GPHN: variants seen among roughly 807,000 people sequenced by gnomAD.
GPHN encodes the protein gephyrin.
In GPHN, 17 loss-of-function variants were observed where a neutral mutation model predicts 95.5. The ratio of observed to expected loss-of-function variants is 0.18; its 90% CI spans 0.12 to 0.27. The LOEUF is 0.27. GPHN is among the 10% of genes least tolerant of loss of function. The pLI, the probability that GPHN is intolerant of heterozygous loss-of-function variation, is 1.00. For synonymous variants in GPHN, 320 were observed against 322.5 expected, an observed-to-expected ratio of 0.99 and a Z score of 0.08; for missense variants, 660 against 978.1, an observed-to-expected ratio of 0.67 and a Z score of 4.34.
At chr14:67,258,333 G>A in the GPHN span, among the ~76,000 whole-genome samples, 1 of 152,070 alleles carries the variant, frequency 6.6e-6, no homozygotes, top group Non-Finnish European at 1.5e-5. Flanking sequence ...TCAGGAGTTC[G>A]AGACTAGTCT....
chr14:66,529,431 T>C (rs2058823267), intron 1 of GPHN, among the ~76,000 whole-genome samples: 1 of 151,992 alleles, frequency 6.6e-6, no homozygotes, highest in South Asian at 2.1e-4. Flanking sequence ...CTCGGAGGAG[T>C]TCATTACTAC....
At chr14:66,564,725 T>C (rs1479394624) in intron 1 of GPHN, among the ~76,000 whole-genome samples, 5 of 152,180 alleles carry the variant, frequency 3.3e-5, no homozygotes, top group Non-Finnish European at 7.4e-5. Flanking sequence ...CACTGTGAGG[T>C]AGGTATAGTA....
chr14:67,700,542 C>G, the GPHN span, among the ~76,000 whole-genome samples: 2 of 150,420 alleles, frequency 1.3e-5, no homozygotes, highest in Non-Finnish European at 3.0e-5. Context: ...GATGAAACCC[C>G]GTCTCTACTA....
the GPHN span, chr14:67,199,943 C>A: frequency 7.2e-7 from 1 of 1,389,268 alleles, no homozygotes; most frequent in Non-Finnish European, 9.7e-7. Flanking sequence ...CAAGCTCACC[C>A]ATTCCCACCA....
At chr14:67,593,540 A>G in the GPHN span, 1 of 550,332 alleles carries the variant, frequency 1.8e-6, no homozygotes, top group African/African-American at 1.9e-5. Context: ...AATGCCAGTG[A>G]TAATTTTGAA....
At chr14:67,462,534 G>A in the GPHN span, among the ~76,000 whole-genome samples, 7,338 of 152,134 alleles carry the variant, frequency 0.048, 480 homozygotes, top group African/African-American at 0.13. Flanking sequence ...AACAGAGATA[G>A]GGTCTTGCTA....
the GPHN span, among the ~76,000 whole-genome samples, chr14:67,708,726 T>C: frequency 6.6e-6 from 1 of 152,044 alleles, no homozygotes; most frequent in Non-Finnish European, 1.5e-5. Context: ...CTATGCTTCC[T>C]GTATAATTTT....
At chr14:67,317,189 G>C in the GPHN span, among the ~76,000 whole-genome samples, 2 of 152,226 alleles carry the variant, frequency 1.3e-5, no homozygotes, top group African/African-American at 4.8e-5. Flanking sequence ...CAAGCTGGGT[G>C]TGGTGGTTTG....
At chr14:67,130,351 C>A (rs1046099509) in intron 17 of GPHN, among the ~76,000 whole-genome samples, 1 of 152,074 alleles carries the variant, frequency 6.6e-6, no homozygotes, top group African/African-American at 2.4e-5. Context: ...CTCCCACTTA[C>A]AAGTAAGAAC....
At chr14:66,700,541 A>C (rs1046564747) in intron 2 of GPHN, among the ~76,000 whole-genome samples, 1 of 152,166 alleles carries the variant, frequency 6.6e-6, no homozygotes, top group Non-Finnish European at 1.5e-5. Flanking sequence ...CTCGGGGATG[A>C]AGGATTTTAC....
At chr14:66,737,003 A>G (rs1173288449) in intron 2 of GPHN, among the ~76,000 whole-genome samples, 2 of 152,162 alleles carry the variant, frequency 1.3e-5, no homozygotes, top group South Asian at 2.1e-4. Context: ...CTCCAGTCCT[A>G]AAATTATTAT....
intron 2 of GPHN, among the ~76,000 whole-genome samples, chr14:66,752,239 G>A (rs1375763646): frequency 2.0e-5 from 3 of 152,058 alleles, no homozygotes; most frequent in African/African-American, 4.8e-5. Flanking sequence ...TCTCTCTCTT[G>A]TCATTTGTGT....
At chr14:67,669,270 ATT>A in the GPHN span, among the ~76,000 whole-genome samples, 162 of 139,950 alleles carry the variant, frequency 1.2e-3, 2 homozygotes, top group African/African-American at 3.1e-3. Flanking sequence ...CTTCTTCATA[ATT>A]TTTTTTTTTT....
chr14:66,683,399 T>TATATATATGTTC lies in GPHN; in HGVS notation c.143+2222_143+2223insGTTCATATATAT, dbSNP rs1595534463. 2.8e-3 allele frequency among the ~76,000 whole-genome samples: 27 copies of TATATATATGTTC among 9,776 alleles called. 1 individual carries two copies. Among genetic ancestry groups the TATATATATGTTC allele is most frequent in the East Asian group, 0.016 (6 of 374 alleles). 6.4% of individuals were successfully genotyped at this position (9,776 alleles called of 152,430 possible). A position where few individuals can be genotyped will look rare whatever the true frequency, so the allele number is the denominator to read the frequency against. Reference sequence around the variant, plus strand: ...ATATATGTTCATATATATATGTTCATATATATATATGTTCATATATATATA... The same window carrying TATATATATGTTC: ...ATATATGTTCATATATATATGTTCATATATATATGTTCATATATATATGTTCATATATATATA... On this transcript the variant is annotated intron_variant, in intron 2 of 22. Coordinates refer to ENST00000478722, the MANE Select transcript of GPHN (RefSeq NM_020806.5).
chr14:67,193,390 G>C, the GPHN span, among the ~76,000 whole-genome samples: 2 of 132,930 alleles, frequency 1.5e-5, no homozygotes, highest in South Asian at 4.8e-4. Flanking sequence ...GATATATCTA[G>C]ATATATCTAG....
intron 5 of GPHN, among the ~76,000 whole-genome samples, chr14:66,888,632 A>C (rs2064319962): frequency 6.6e-6 from 1 of 152,190 alleles, no homozygotes; most frequent in African/African-American, 2.4e-5. Context: ...TTCACTAAAA[A>C]AAATTAAGAA....
chr14:66,830,334 T>C (rs112757929), intron 4 of GPHN, among the ~76,000 whole-genome samples: 2,374 of 152,226 alleles, frequency 0.016, 30 homozygotes, highest in Non-Finnish European at 0.018. Context: ...GCCTCATTGT[T>C]TCAATAGACA....
At position 66,697,830 on chromosome 14, in the gene GPHN, G is replaced by A. The variant is rs371098780; in HGVS notation, c.143+16645G>A. On this transcript the variant is annotated intron_variant, in intron 2 of 22. Coordinates refer to ENST00000478722, the MANE Select transcript of GPHN (RefSeq NM_020806.5). ...AGCTTCCCAAGTAGCTGGGACTACA[G>A]GCATGTGCCACCACAGCTGGCTACT... Among the ~76,000 whole-genome samples the A allele has an allele frequency of 8.6e-5, 13 of 151,860 alleles. No homozygotes were observed. The East Asian group carries it at 1.5e-3, about 18-fold the overall frequency.
the GPHN span, chr14:67,208,594 C>T: frequency 1.1e-6 from 1 of 905,110 alleles, no homozygotes; most frequent in Non-Finnish European, 1.6e-6. Flanking sequence ...ATATAGTCAA[C>T]TCTGAATGAC....
Sources: gnomAD v4.1 joint callset for allele counts (sites outside exome capture counted in the v4.1 genomes callset) on GRCh38, gnomAD v4.1.1 for gene constraint, MANE v1.5 for transcripts, NCBI Gene and HGNC (gene_info 2026-07-23, HGNC 2026-07-21) for gene names.